Variants in ONECUT1 observed in about 807,000 individuals in gnomAD.
The protein encoded by ONECUT1 is one cut homeobox 1, also known as hepatocyte nuclear factor 6.
Under a neutral mutation model 25.6 loss-of-function variants are expected in ONECUT1, and 12 were observed. The ratio of observed to expected loss-of-function variants is 0.47; its 90% CI spans 0.30 to 0.76. The LOEUF is 0.76. ONECUT1 is among the 30% of genes least tolerant of loss of function. The pLI, the probability that ONECUT1 is intolerant of heterozygous loss-of-function variation, is 0.07. For synonymous variants in ONECUT1, 285 were observed against 270.2 expected, an observed-to-expected ratio of 1.05 and a Z score of -0.54; for missense variants, 620 against 651.2, an observed-to-expected ratio of 0.95 and a Z score of 0.52.
At chr15:52,777,733 CACACAAA>C (rs2083811630) in intron 1 of ONECUT1, among the ~76,000 whole-genome samples, 1 of 85,232 alleles carries the variant, frequency 1.2e-5, no homozygotes, top group African/African-American at 7.6e-5. Context: ...CACACACACA[CACACAAA>C]AAAACATGTA....
intron 1 of ONECUT1, among the ~76,000 whole-genome samples, chr15:52,776,702 G>A (rs2456505): frequency 0.7 from 107,230 of 152,122 alleles, 38,759 homozygotes; most frequent in African/African-American, 0.87. Flanking sequence ...AGACTTTGTC[G>A]GTATTTATTT....
intron 1 of ONECUT1, chr15:52,780,719 G>A: frequency 6.6e-7 from 1 of 1,504,480 alleles, no homozygotes; most frequent in Non-Finnish European, 8.8e-7. Context: ...TCGCTCGTTT[G>A]TTTATTTAAT....
chr15:52,757,570 A>C lies in ONECUT1; in HGVS notation c.1383T>G (p.Thr461=). 1 of 1,613,060 alleles carries C rather than the reference A, an allele frequency of 6.2e-7. No individual in the cohort carries two copies. ...GGTTCTTCCTTCATGCTTTGGTACA[A>C]GTGCTTGATGAAGAAGATGAGTTGC... is the stretch of plus-strand genomic sequence containing the variant. ...NSGNSSSSSS[T]CTKA is the part of the protein sequence containing the mutation. Residue 461 remains threonine (T), a synonymous_variant, in exon 2 of 2, where the codon ACT becomes ACG. Transcript: ENST00000305901.
At chr15:52,761,715 C>T (rs2083706997) in intron 1 of ONECUT1, among the ~76,000 whole-genome samples, 1 of 152,150 alleles carries the variant, frequency 6.6e-6, no homozygotes. Flanking sequence ...CAAAATTAGA[C>T]AATGGCAGAA....
chr15:52,787,115 G>A (rs984394440), intron 1 of ONECUT1: 1 of 152,296 alleles, frequency 6.6e-6, no homozygotes, highest in Non-Finnish European at 1.5e-5. Context: ...ATATGGTGCC[G>A]GTAGCACAAG....
At position 52,789,947 on chromosome 15, in the gene ONECUT1, G is replaced by T; in HGVS notation, c.-63C>A. The T allele has an allele frequency of 6.8e-7, 1 of 1,466,296 alleles. No individual in the cohort carries two copies. Among genetic ancestry groups the T allele is most frequent in the Admixed American group, 2.5e-5 (1 of 40,268 alleles). 90.8% of individuals were successfully genotyped at this position (1,466,296 alleles called of 1,614,324 possible). On this transcript the variant is annotated 5_prime_UTR_variant, in exon 1 of 2. Coordinates refer to ENST00000305901, the MANE Select transcript of ONECUT1 (RefSeq NM_004498.4). The surrounding 1 kb of genome is among the most constrained non-coding windows in gnomAD (Gnocchi z 4.1). ...TGTGGCCAGGCAGAGGCGGCGAGGG[G>T]CGCACGGAGTCCGGTCTTCACATCG...
Position 52,785,587 on chromosome 15 carries a change from G to T in ONECUT1, c.1105+3193C>A, listed in dbSNP as rs1021181244. On this transcript the variant is annotated intron_variant, in intron 1 of 1. Coordinates refer to ENST00000305901, the MANE Select transcript of ONECUT1 (RefSeq NM_004498.4). ...TGTGTCGCTGTCTCTTTCCGAGCCG[G>T]CAGCTCCTGCTGTGTGGCCGAAGCC... 6 of 152,246 alleles carry T rather than the reference G, an allele frequency of 3.9e-5. No individual in the cohort carries two copies. In the East Asian group the frequency reaches 1.2e-3, roughly 29 times the overall value. 9.4% of individuals were successfully genotyped at this position (152,246 alleles called of 1,614,324 possible). A position where few individuals can be genotyped will look rare whatever the true frequency, so the allele number is the denominator to read the frequency against.
chr15:52,755,736 G>A lies in ONECUT1; in HGVS notation c.*1819C>T, dbSNP rs533086195. Among the ~76,000 whole-genome samples the A allele has an allele frequency of 6.6e-6, 1 of 152,298 alleles. No individual in the cohort carries two copies. Among genetic ancestry groups the A allele is most frequent in the South Asian group, 2.1e-4 (1 of 4,828 alleles). ...ATAACATTTAATTTCATAGTTCTAA[G>A]TAGGGGTGGTAATTAACTTACAGTA... On this transcript the variant is annotated 3_prime_UTR_variant, in exon 2 of 2. Coordinates refer to ENST00000305901, the MANE Select transcript of ONECUT1 (RefSeq NM_004498.4).
chr15:52,785,427 C>A (rs1464628474), intron 1 of ONECUT1, among the ~76,000 whole-genome samples: 3 of 152,178 alleles, frequency 2.0e-5, no homozygotes, highest in Non-Finnish European at 4.4e-5. Context: ...CCAACTCCCC[C>A]GCGGGGTTTG....
chr15:52,778,990 G>GTTT (rs1555416212), intron 1 of ONECUT1, among the ~76,000 whole-genome samples: 1 of 133,618 alleles, frequency 7.5e-6, no homozygotes, highest in African/African-American at 3.7e-5. Flanking sequence ...TCCAGAGAGG[G>GTTT]TTTTCTTTTT....
At chr15:52,760,484 A>G (rs558740834) in intron 1 of ONECUT1, among the ~76,000 whole-genome samples, 11 of 152,314 alleles carry the variant, frequency 7.2e-5, no homozygotes, top group South Asian at 4.2e-4. Context: ...CACATAAGCA[A>G]TTAACTACAA....
intron 1 of ONECUT1, among the ~76,000 whole-genome samples, chr15:52,767,210 C>T (rs1034029222): frequency 3.3e-5 from 5 of 152,002 alleles, no homozygotes; most frequent in Admixed American, 6.5e-5. Flanking sequence ...TGGAGGACAT[C>T]GGGAGGTACA....
Position 52,761,938 on chromosome 15 carries a change from G to A in ONECUT1, c.1106-4091C>T, listed in dbSNP as rs546434313. Among the ~76,000 whole-genome samples the A allele has an allele frequency of 2.6e-4, 39 of 152,308 alleles. No homozygotes were observed. In the South Asian group the frequency reaches 7.7e-3, roughly 30 times the overall value. On this transcript the variant is annotated intron_variant, in intron 1 of 1. Transcript: ENST00000305901. ...TGTGTTTGCTGGACATTCTGTTAAA[G>A]GTCTCCATTAGGTGGTTGTACAGCA...
intron 1 of ONECUT1, among the ~76,000 whole-genome samples, chr15:52,758,582 T>C (rs1375631033): frequency 6.6e-6 from 1 of 152,224 alleles, no homozygotes; most frequent in Non-Finnish European, 1.5e-5. Context: ...TGTTCATCTC[T>C]GGGGTCTCTC....
In ONECUT1 at chr15:52,789,454, T is replaced by C. The variant is rs2083902520; in HGVS notation, c.431A>G (p.Asn144Ser). 6.2e-7 allele frequency: 1 copy of C among 1,613,728 alleles called. No individual in the cohort carries two copies. Among genetic ancestry groups the C allele is most frequent in the East Asian group, 2.2e-5 (1 of 44,872 alleles). The change falls in exon 1 of 2, where the codon AAC becomes AGC. Residue 144 changes from asparagine (N) to serine (S), a missense_variant. By Grantham distance (46) the Asn-to-Ser change is conservative. Coordinates refer to ENST00000305901, the MANE Select transcript of ONECUT1 (RefSeq NM_004498.4). The surrounding 1 kb of genome is among the most constrained non-coding windows in gnomAD (Gnocchi z 4.1). ...HPHHHQRLAGNVSGSFTLMRD... is the reference protein window; with the variant it reads ...HPHHHQRLAGSVSGSFTLMRD... ...CATGAGCGTGAAGCTACCGCTCACG[T>C]TGCCCGCCAGGCGCTGGTGGTGGTG...
intron 1 of ONECUT1, among the ~76,000 whole-genome samples, chr15:52,774,017 A>G (rs904464094): frequency 7.9e-5 from 12 of 152,054 alleles, no homozygotes; most frequent in Admixed American, 4.6e-4. Flanking sequence ...TTATTCTTTT[A>G]TGTGTTTTCA....
chr15:52,765,008 C>T (rs998058360), intron 1 of ONECUT1, among the ~76,000 whole-genome samples: 8 of 152,244 alleles, frequency 5.3e-5, no homozygotes, highest in African/African-American at 1.9e-4. Context: ...CAGCCCAGGG[C>T]TGCTACCCAG....
chr15:52,772,710 G>A (rs1294732036), intron 1 of ONECUT1, among the ~76,000 whole-genome samples: 1 of 152,130 alleles, frequency 6.6e-6, no homozygotes, highest in Non-Finnish European at 1.5e-5. Flanking sequence ...ATTATCCACC[G>A]GGCTGGCTCC....
intron 1 of ONECUT1, among the ~76,000 whole-genome samples, chr15:52,761,436 C>A (rs568503924): frequency 5.9e-5 from 9 of 152,238 alleles, no homozygotes; most frequent in South Asian, 2.1e-4. Flanking sequence ...TTTGGGAGGG[C>A]GAAGCAGGCA....
Sources: gnomAD v4.1 joint callset for allele counts (sites outside exome capture counted in the v4.1 genomes callset) on GRCh38, gnomAD v4.1.1 for gene constraint, Gnocchi (gnomAD v3.1) non-coding constraint, MANE v1.5 for transcripts, NCBI Gene and HGNC (gene_info 2026-07-23, HGNC 2026-07-21) for gene names.